The following ARSI variants were observed in gnomAD, a reference collection of about 807,000 sequenced individuals.
ARSI encodes arylsulfatase I.
Under a neutral mutation model 42.1 loss-of-function variants are expected in ARSI, and 37 were observed. That is an observed-to-expected ratio of 0.88 (90% confidence interval 0.68 to 1.16). The LOEUF (loss-of-function observed/expected upper bound fraction) is 1.16. Among genes scored for constraint, ARSI ranks in the 50% most tolerant of loss-of-function variants. ARSI has a pLI of 0.00. For missense variants in ARSI, 725 were observed against 790.1 expected (o/e 0.92, Z 0.99); for synonymous variants, 305 against 320.3 (o/e 0.95, Z 0.51).
Position 150,298,526 on chromosome 5 carries a change from T to G in ARSI, c.398A>C (p.Gln133Pro). ...GGAATAACCTGCCTCCTGCAGCTTCTGTGGCAGTGTCACCTGGTCCAGGGG... is the reference window on the plus strand; with the variant it reads ...GGAATAACCTGCCTCCTGCAGCTTCGGTGGCAGTGTCACCTGGTCCAGGGG... ...CLPLDQVTLP[Q>P]KLQEAGYSTH... is the part of the protein sequence containing the mutation. The change falls in exon 2 of 2, where the codon CAG becomes CCG. Residue 133 changes from glutamine to proline, a missense_variant. Coordinates refer to ENST00000328668, the MANE Select transcript of ARSI (RefSeq NM_001012301.4). 1.2e-6 allele frequency: 2 copies of G among 1,614,216 alleles called. No individual in the cohort carries two copies. Among genetic ancestry groups the G allele is most frequent in the Non-Finnish European group, 1.7e-6 (2 of 1,180,028 alleles).
chr5:150,298,522 C>A lies in ARSI; in HGVS notation c.402G>T (p.Lys134Asn). ...GGGTGGAATAACCTGCCTCCTGCAG[C>A]TTCTGTGGCAGTGTCACCTGGTCCA... ...LPLDQVTLPQ[K>N]LQEAGYSTHM... The change falls in exon 2 of 2, where the codon AAG becomes AAT. Residue 134 changes from lysine to asparagine, a missense_variant. Lys to Asn is a moderately conservative substitution (Grantham distance 94). Coordinates refer to ENST00000328668, the MANE Select transcript of ARSI (RefSeq NM_001012301.4). 1 of 1,614,202 alleles carries A rather than the reference C, an allele frequency of 6.2e-7. No homozygotes were observed. The highest frequency in any genetic ancestry group is 8.5e-7 in the Non-Finnish European group (1 of 1,180,030).
chr5:150,296,916 A>C lies in ARSI; in HGVS notation c.*298T>G. On this transcript the variant is annotated 3_prime_UTR_variant, in exon 2 of 2. Coordinates refer to ENST00000328668, the MANE Select transcript of ARSI (RefSeq NM_001012301.4). ...GGCCCCAGGCTCCAGGGCCACACCA[A>C]AGAGTCACAAAGTCATTAGAGCTCA... 3.9e-6 allele frequency: 1 copy of C among 253,882 alleles called. No individual in the cohort carries two copies. The highest frequency in any genetic ancestry group is 7.4e-6 in the Non-Finnish European group (1 of 134,974). The allele number at this position is 253,882 out of a possible 1,614,324, so 15.7% of individuals were successfully genotyped here.
In ARSI at chr5:150,298,496, T is replaced by C; in HGVS notation, c.428A>G (p.His143Arg). The C allele has an allele frequency of 1.9e-6, 3 of 1,614,186 alleles. No homozygotes were observed. Among genetic ancestry groups the C allele is most frequent in the Non-Finnish European group, 2.5e-6 (3 of 1,180,030 alleles). The change falls in exon 2 of 2, where the codon CAT (histidine) becomes CGT (arginine). Residue 143 changes from histidine to arginine, a missense_variant. By Grantham distance (29) the His-to-Arg change is conservative. Coordinates refer to ENST00000328668, the MANE Select transcript of ARSI (RefSeq NM_001012301.4). ...QKLQEAGYSTHMVGKWHLGFY... is the reference protein window; with the variant it reads ...QKLQEAGYSTRMVGKWHLGFY... ...GCCCAGGTGCCACTTGCCCACCATA[T>C]GGGTGGAATAACCTGCCTCCTGCAG...
intron 1 of ARSI, among the ~76,000 whole-genome samples, chr5:150,298,918 C>G (rs1005328145): frequency 1.3e-5 from 2 of 152,138 alleles, no homozygotes; most frequent in African/African-American, 2.4e-5. Flanking sequence ...AAAAGTTGAA[C>G]CCAGGGTAAT....
At chr5:150,300,536 C>T (rs1056923487) in intron 1 of ARSI, among the ~76,000 whole-genome samples, 6 of 152,214 alleles carry the variant, frequency 3.9e-5, no homozygotes, top group South Asian at 2.1e-4. Context: ...GCTTGTAAAG[C>T]GGATGGGCCA....
In ARSI at chr5:150,297,522, T is replaced by G; in HGVS notation, c.1402A>C (p.Ser468Arg). ...TCCTCCCGTTCATAAGGGTCAGCAC[T>G]GATGTTGAAGAGCCACACGGCCTGG... Reference protein sequence around the residue: ...VRQAVWLFNISADPYEREDLA... With the variant: ...VRQAVWLFNIRADPYEREDLA... Residue 468 changes from serine (S) to arginine (R), a missense_variant, in exon 2 of 2, where the codon AGT becomes CGT. Transcript: ENST00000328668. This position sits in a 1 kb window ranked among gnomAD's most constrained non-coding sequence, Gnocchi z 7.0. The G allele has an allele frequency of 6.2e-7, 1 of 1,613,732 alleles. No individual in the cohort carries two copies. The highest frequency in any genetic ancestry group is 8.5e-7 in the Non-Finnish European group (1 of 1,179,920).
chr5:150,297,926 A>G lies in ARSI; in HGVS notation c.998T>C (p.Leu333Pro). The G allele has an allele frequency of 6.2e-7, 1 of 1,611,598 alleles. No individual in the cohort carries two copies. The highest frequency in any genetic ancestry group is 8.5e-7 in the Non-Finnish European group (1 of 1,178,954). ...VRGLGFVHSP[L>P]LKRKQRTSRA... ...GCTTGTCCGTTGCTTTCGCTTGAGC[A>G]GGGGACTGTGGACAAAGCCTAGGCC... The change falls in exon 2 of 2, where the codon CTG becomes CCG. Residue 333 changes from leucine to proline, a missense_variant. Physicochemically the swap from Leu to Pro is moderately conservative, Grantham distance 98. Coordinates refer to ENST00000328668, the MANE Select transcript of ARSI (RefSeq NM_001012301.4). The surrounding 1 kb of genome is among the most constrained non-coding windows in gnomAD (Gnocchi z 7.0).
intron 1 of ARSI, among the ~76,000 whole-genome samples, chr5:150,299,537 C>A (rs1757884514): frequency 6.6e-6 from 1 of 151,672 alleles, no homozygotes. Flanking sequence ...CAGAAGGGAC[C>A]CAATTCATTC....
At position 150,302,267 on chromosome 5, in the gene ARSI, C is replaced by T; in HGVS notation, c.107G>A (p.Gly36Asp). The change falls in exon 1 of 2, where the codon GGC becomes GAC. Residue 36 changes from glycine (G) to aspartate (D), a missense_variant. By Grantham distance (94) the Gly-to-Asp change is moderately conservative. Transcript: ENST00000328668. This position sits in a 1 kb window ranked among gnomAD's most constrained non-coding sequence, Gnocchi z 6.1. ...GGGCGGAGCGGCCGAGGGCTGCTCG[C>T]CAGCCTCCCCGGGCCCGTCGGCCAC... ...SFVADGPGEA[G>D]EQPSAAPPQP... The T allele has an allele frequency of 6.2e-7, 1 of 1,606,692 alleles. No individual in the cohort carries two copies. Among genetic ancestry groups the T allele is most frequent in the South Asian group, 1.1e-5 (1 of 90,048 alleles).
chr5:150,302,426 C>T lies in ARSI; in HGVS notation c.-53G>A. The T allele has an allele frequency of 7.5e-7, 1 of 1,337,738 alleles. No individual in the cohort carries two copies. The highest frequency in any genetic ancestry group is 9.6e-7 in the Non-Finnish European group (1 of 1,037,440). The allele number at this position is 1,337,738 out of a possible 1,614,324, so 82.9% of individuals were successfully genotyped here. A position where few individuals can be genotyped will look rare whatever the true frequency, so the allele number is the denominator to read the frequency against. On this transcript the variant is annotated 5_prime_UTR_variant, in exon 1 of 2. Transcript: ENST00000328668. This position sits in a 1 kb window ranked among gnomAD's most constrained non-coding sequence, Gnocchi z 6.1. ...CGCCGGGCTCCTGGGGCCTCACCAC[C>T]TCGCGCGCCCAGGGCGCACCACCGG...
chr5:150,298,021 C>T lies in ARSI; in HGVS notation c.903G>A (p.Gln301=). 1.2e-6 allele frequency: 2 copies of T among 1,612,702 alleles called. No individual in the cohort carries two copies. Among genetic ancestry groups the T allele is most frequent in the Non-Finnish European group, 1.7e-6 (2 of 1,180,020 alleles). ...VIIFSSDNGG[Q]TFSGGSNWPL... is the part of the protein sequence containing the mutation. ...GCCAGTTGCTGCCCCCCGAGAAAGT[C>T]TGGCCACCATTGTCACTGGAGAAGA... is the stretch of plus-strand genomic sequence containing the variant. Residue 301 remains glutamine (Q), a synonymous_variant, in exon 2 of 2, where the codon CAG becomes CAA. Coordinates refer to ENST00000328668, the MANE Select transcript of ARSI (RefSeq NM_001012301.4).
chr5:150,297,800 G>A lies in ARSI; in HGVS notation c.1124C>T (p.Pro375Leu), dbSNP rs374583135. ...ADGLDGYDVWPAISEGRASPR... is the reference protein window; with the variant it reads ...ADGLDGYDVWLAISEGRASPR... ...TGAGGCCCGGCCCTCGCTGATGGCCGGCCACACGTCGTAGCCATCTAGCCC... is the reference window on the plus strand; with the variant it reads ...TGAGGCCCGGCCCTCGCTGATGGCCAGCCACACGTCGTAGCCATCTAGCCC... The change falls in exon 2 of 2, where the codon CCG becomes CTG. Residue 375 changes from proline to leucine, a missense_variant. Transcript: ENST00000328668. The surrounding 1 kb of genome is among the most constrained non-coding windows in gnomAD (Gnocchi z 7.0). The A allele has an allele frequency of 6.8e-5, 109 of 1,604,290 alleles. No homozygotes were observed. The highest frequency in any genetic ancestry group is 2.7e-4 in the South Asian group (24 of 90,018).
At position 150,297,725 on chromosome 5, in the gene ARSI, T is replaced by G. The variant is rs766793282; in HGVS notation, c.1199A>C (p.Gln400Pro). ...HNIDPLYNHA[Q>P]HGSLEGGFGI... is the part of the protein sequence containing the mutation. ...AAAGCCGCCCTCCAGGGAGCCATGCTGGGCATGGTTGTAGAGTGGGTCAAT... is the reference window on the plus strand; with the variant it reads ...AAAGCCGCCCTCCAGGGAGCCATGCGGGGCATGGTTGTAGAGTGGGTCAAT... The change falls in exon 2 of 2, where the codon CAG becomes CCG. Residue 400 changes from glutamine to proline, a missense_variant. By Grantham distance (76) the Gln-to-Pro change is moderately conservative. Transcript: ENST00000328668. The surrounding 1 kb of genome is among the most constrained non-coding windows in gnomAD (Gnocchi z 7.0). 1.2e-6 allele frequency: 2 copies of G among 1,613,114 alleles called. No homozygotes were observed. The highest frequency in any genetic ancestry group is 1.7e-6 in the Non-Finnish European group (2 of 1,179,930).
rs758099310 is a variant in ARSI at position 150,297,395 on chromosome 5, C to T, written c.1529G>A (p.Arg510Gln). 4.4e-6 allele frequency: 7 copies of T among 1,608,890 alleles called. No individual in the cohort carries two copies. The highest frequency in any genetic ancestry group is 1.1e-5 in the South Asian group (1 of 90,274). Residue 510 changes from arginine to glutamine, a missense_variant, in exon 2 of 2, where the codon CGG becomes CAG. Transcript: ENST00000328668. The surrounding 1 kb of genome is among the most constrained non-coding windows in gnomAD (Gnocchi z 7.0). ...ACCCCCATTAAAGTCAGGATGAGCC[C>T]GGGGGTTCTCAGCTGGGTAGCGTAC... Reference protein sequence around the residue: ...IPVRYPAENPRAHPDFNGGAW... With the variant: ...IPVRYPAENPQAHPDFNGGAW...
rs756817444 is a variant in ARSI, at chr5:150,302,275, C to T, written c.99G>A (p.Gly33=). Reference sequence around the variant, plus strand: ...CGGCCGAGGGCTGCTCGCCAGCCTCCCCGGGCCCGTCGGCCACGAAGCTCG... The same window carrying T: ...CGGCCGAGGGCTGCTCGCCAGCCTCTCCGGGCCCGTCGGCCACGAAGCTCG... The part of the protein sequence containing the change: ...AKPSFVADGP[G]EAGEQPSAAP... Residue 33 remains glycine (G), a synonymous_variant, in exon 1 of 2, where the codon GGG becomes GGA. Transcript: ENST00000328668. The surrounding 1 kb of genome is among the most constrained non-coding windows in gnomAD (Gnocchi z 6.1). 1.9e-6 allele frequency: 3 copies of T among 1,606,056 alleles called. No individual in the cohort carries two copies. The highest frequency in any genetic ancestry group is 1.1e-5 in the South Asian group (1 of 89,984).
At chr5:150,300,048 C>T (rs565331891) in intron 1 of ARSI, among the ~76,000 whole-genome samples, 3 of 152,310 alleles carry the variant, frequency 2.0e-5, no homozygotes, top group Admixed American at 2.0e-4. Context: ...TAAAATCCCA[C>T]ACCTTTTTCT....
Position 150,298,381 on chromosome 5 carries a change from G to T in ARSI, c.543C>A (p.Asp181Glu), listed in dbSNP as rs770818545. The T allele has an allele frequency of 4.3e-6, 7 of 1,614,094 alleles. No homozygotes were observed. Among genetic ancestry groups the T allele is most frequent in the Non-Finnish European group, 5.9e-6 (7 of 1,180,046 alleles). ...LTGNVDYYTY[D>E]NCDGPGVCGF... The stretch of plus-strand genomic sequence containing the variant: ...CGCACACGCCTGGGCCATCACAGTT[G>T]TCATAGGTGTAATAGTCCACATTGC... Residue 181 changes from aspartate (D) to glutamate (E), a missense_variant, in exon 2 of 2, where the codon GAC becomes GAA. Transcript: ENST00000328668.
At position 150,297,455 on chromosome 5, in the gene ARSI, G is replaced by A; in HGVS notation, c.1469C>T (p.Ala490Val). 6.2e-7 allele frequency: 1 copy of A among 1,611,862 alleles called. No individual in the cohort carries two copies. Among genetic ancestry groups the A allele is most frequent in the Non-Finnish European group, 8.5e-7 (1 of 1,178,734 alleles). ...TGTGCGGTTATATTCGGCCAGGCGA[G>A]CCAGCAGGGTGCGGACCACATCAGG... ...QRPDVVRTLL[A>V]RLAEYNRTAI... Residue 490 changes from alanine (A) to valine (V), a missense_variant, in exon 2 of 2, where the codon GCT (alanine) becomes GTT (valine). Physicochemically the swap from Ala to Val is moderately conservative, Grantham distance 64 (BLOSUM62 0). Transcript: ENST00000328668. This position sits in a 1 kb window ranked among gnomAD's most constrained non-coding sequence, Gnocchi z 7.0.
rs746503472 is a variant in ARSI, at chr5:150,298,463, C to T, written c.461G>A (p.Arg154Gln). The T allele has an allele frequency of 7.4e-6, 12 of 1,614,088 alleles. No individual in the cohort carries two copies. In the Admixed American group the frequency reaches 8.3e-5, roughly 11 times the overall value. The change falls in exon 2 of 2, where the codon CGG becomes CAG. Residue 154 changes from arginine to glutamine, a missense_variant. By Grantham distance (43) the Arg-to-Gln change is conservative (BLOSUM62 1). Transcript: ENST00000328668. ...MVGKWHLGFY[R>Q]KECLPTRRGF... is the part of the protein sequence containing the mutation. ...CCGACGGGTGGGCAGACACTCCTTC[C>T]GGTAGAAGCCCAGGTGCCACTTGCC...
Sources: gnomAD v4.1 joint callset for allele counts (sites outside exome capture counted in the v4.1 genomes callset) on GRCh38, gnomAD v4.1.1 for gene constraint, Gnocchi (gnomAD v3.1) non-coding constraint, MANE v1.5 for transcripts, NCBI Gene and HGNC (gene_info 2026-07-23, HGNC 2026-07-21) for gene names.